VSTM4: variants seen among roughly 807,000 people sequenced by gnomAD.
VSTM4 encodes the protein V-set and transmembrane domain-containing protein 4.
A neutral mutation model predicts 36.4 loss-of-function variants in VSTM4; 20 were observed. The observed-to-expected ratio is 0.55, with a 90% CI of 0.39 to 0.80. The LOEUF (loss-of-function observed/expected upper bound fraction) is 0.80. Ranked by LOEUF, VSTM4 falls within the 30% of genes least tolerant of loss-of-function variation. VSTM4 has a pLI of 0.00. For synonymous variants in VSTM4, 182 were observed against 173.9 expected, an observed-to-expected ratio of 1.05 and a Z score of -0.37; for missense variants, 392 against 404.5, an observed-to-expected ratio of 0.97 and a Z score of 0.26.
rs574627827 is a variant in VSTM4 at position 49,068,967 on chromosome 10, T to G, written c.635-4231A>C. Among the ~76,000 whole-genome samples the G allele has an allele frequency of 2.0e-4, 30 of 152,244 alleles. No individual in the cohort carries two copies. In the South Asian group the frequency reaches 5.8e-3, roughly 29 times the overall value. On this transcript the variant is annotated intron_variant, in intron 4 of 7. Transcript: ENST00000332853. Reference sequence around the variant, plus strand: ...CTTTGAAGACTCTGAAAGGAAGGCTTATTTTTGCAACCTCTCCTGATAAGA... The same window carrying G: ...CTTTGAAGACTCTGAAAGGAAGGCTGATTTTTGCAACCTCTCCTGATAAGA...
At chr10:49,074,437 A>G (rs996228473) in intron 4 of VSTM4, among the ~76,000 whole-genome samples, 4 of 152,214 alleles carry the variant, frequency 2.6e-5, no homozygotes, top group African/African-American at 9.6e-5. Context: ...CTGGAAATGT[A>G]GGATTGCAGG....
intron 7 of VSTM4, among the ~76,000 whole-genome samples, chr10:49,024,884 A>G (rs995889335): frequency 5.9e-5 from 9 of 152,142 alleles, no homozygotes; most frequent in Non-Finnish European, 1.3e-4. Flanking sequence ...TGTTCCCCAA[A>G]TTTCCTGTGT....
chr10:49,075,272 C>G (rs552462631), intron 4 of VSTM4, among the ~76,000 whole-genome samples: 8 of 152,322 alleles, frequency 5.3e-5, no homozygotes, highest in South Asian at 4.1e-4. Context: ...GCAGGGCCTG[C>G]AGCCAGTGCA....
At chr10:49,089,845 G>T (rs896324666) in intron 2 of VSTM4, among the ~76,000 whole-genome samples, 2 of 152,246 alleles carry the variant, frequency 1.3e-5, no homozygotes, top group Non-Finnish European at 2.9e-5. Flanking sequence ...CAAGCCAGGG[G>T]TCTGAGTCCA....
At chr10:49,048,426 A>C (rs1843646894) in intron 6 of VSTM4, 52 bp downstream of exon 6, 1 of 1,491,930 alleles carries the variant, frequency 6.7e-7, no homozygotes, top group Admixed American at 2.3e-5. Flanking sequence ...CCAGACCCAC[A>C]GGGATCAATA....
At chr10:49,024,464 G>C (rs1241840992) in intron 7 of VSTM4, among the ~76,000 whole-genome samples, 1 of 152,204 alleles carries the variant, frequency 6.6e-6, no homozygotes, top group African/African-American at 2.4e-5. Flanking sequence ...TCATGGAGAA[G>C]AGGTGAGGAG....
Position 49,107,808 on chromosome 10 carries a change from G to T in VSTM4, c.243C>A (p.Leu81=). The T allele has an allele frequency of 6.2e-7, 1 of 1,614,280 alleles. No homozygotes were observed. The highest frequency in any genetic ancestry group is 8.5e-7 in the Non-Finnish European group (1 of 1,180,050). ...AATTCCCATAGTACTGCACCACCCGGAGCTTGGTCATCTTCACCATCAAGG... is the reference window on the plus strand; with the variant it reads ...AATTCCCATAGTACTGCACCACCCGTAGCTTGGTCATCTTCACCATCAAGG... ...QEALMVKMTK[L]RVVQYYGNFS... The change falls in exon 2 of 8, where the codon CTC becomes CTA. Residue 81 remains leucine, a synonymous_variant. Transcript: ENST00000332853.
intron 5 of VSTM4, among the ~76,000 whole-genome samples, chr10:49,060,407 T>C (rs1843856783): frequency 6.6e-6 from 1 of 152,204 alleles, no homozygotes; most frequent in African/African-American, 2.4e-5. Context: ...AATGGGGGTA[T>C]AGTGATATCA....
chr10:49,105,009 A>C (rs1267610054), intron 2 of VSTM4, among the ~76,000 whole-genome samples: 1 of 10,962 alleles, frequency 9.1e-5, no homozygotes, highest in Non-Finnish European at 1.6e-4. Flanking sequence ...AGAGAGAGAG[A>C]CAGAGAGATA....
intron 7 of VSTM4, among the ~76,000 whole-genome samples, chr10:49,035,001 G>A (rs939409387): frequency 5.3e-5 from 8 of 152,200 alleles, no homozygotes; most frequent in African/African-American, 1.7e-4. Flanking sequence ...AATCAGCCAC[G>A]CTGAGATGGA....
chr10:49,072,710 T>C (rs1722293270), intron 4 of VSTM4, among the ~76,000 whole-genome samples: 2 of 152,208 alleles, frequency 1.3e-5, no homozygotes, highest in Non-Finnish European at 2.9e-5. Flanking sequence ...GCTACCTTGC[T>C]GGTGACACCA....
rs1332072926 is a variant in VSTM4, at chr10:49,107,667, T to A, written c.384A>T (p.Arg128Ser). 3 of 1,614,066 alleles carry A rather than the reference T, an allele frequency of 1.9e-6. No homozygotes were observed. ...TCCTGTGCCTGCTGATTTCCTGGAC[T>A]CTGCAGACGTAATGCCCTTGATCGG... is the stretch of plus-strand genomic sequence containing the variant. ...QPSDQGHYVC[R>S]VQEISRHRNK... Residue 128 changes from arginine (R) to serine (S), a missense_variant, in exon 2 of 8, where the codon AGA (arginine) becomes AGT (serine). Physicochemically the swap from Arg to Ser is moderately radical, Grantham distance 110. Coordinates refer to ENST00000332853, the MANE Select transcript of VSTM4 (RefSeq NM_001031746.5).
intron 7 of VSTM4, among the ~76,000 whole-genome samples, chr10:49,028,120 C>G (rs920152302): frequency 6.6e-6 from 1 of 152,190 alleles, no homozygotes; most frequent in Non-Finnish European, 1.5e-5. Flanking sequence ...GTCAGTAGCA[C>G]AGTAATTACC....
chr10:49,107,684 C>G lies in VSTM4; in HGVS notation c.367G>C (p.Gly123Arg), dbSNP rs142283092. 6.3e-5 allele frequency: 102 copies of G among 1,614,234 alleles called. No homozygotes were observed. Among genetic ancestry groups the G allele is most frequent in the Non-Finnish European group, 7.6e-5 (90 of 1,180,038 alleles). ...TCCTGGACTCTGCAGACGTAATGCC[C>G]TTGATCGGAGGGCTGCAGTGTCAAG... ...SVLTLQPSDQ[G>R]HYVCRVQEIS... Residue 123 changes from glycine to arginine, a missense_variant, in exon 2 of 8, where the codon GGG becomes CGG. Physicochemically the swap from Gly to Arg is moderately radical, Grantham distance 125. Coordinates refer to ENST00000332853, the MANE Select transcript of VSTM4 (RefSeq NM_001031746.5).
intron 1 of VSTM4, among the ~76,000 whole-genome samples, chr10:49,109,397 T>C (rs1330732912): frequency 6.6e-6 from 1 of 152,220 alleles, no homozygotes; most frequent in Non-Finnish European, 1.5e-5. Flanking sequence ...CTATTCTTCA[T>C]TGTAAAAATC....
chr10:49,083,972 C>G (rs769362870), intron 3 of VSTM4, among the ~76,000 whole-genome samples: 2 of 152,168 alleles, frequency 1.3e-5, no homozygotes, highest in African/African-American at 4.8e-5. Context: ...TCTGATGATA[C>G]ATAAGGCTCC....
At chr10:49,057,000 G>A (rs3924984) in intron 5 of VSTM4, among the ~76,000 whole-genome samples, 29,901 of 151,650 alleles carry the variant, frequency 0.2, 4,616 homozygotes, top group African/African-American at 0.42. Flanking sequence ...ATCATCCGGC[G>A]AGAGGGGGGC....
chr10:49,078,914 C>A (rs532288388), intron 3 of VSTM4, among the ~76,000 whole-genome samples: 47 of 152,280 alleles, frequency 3.1e-4, no homozygotes, highest in African/African-American at 1.1e-3. Context: ...TCACTGCAAC[C>A]TTCTCCTCTC....
At chr10:49,024,381 C>T (rs572192870) in intron 7 of VSTM4, among the ~76,000 whole-genome samples, 78 of 152,208 alleles carry the variant, frequency 5.1e-4, no homozygotes, top group African/African-American at 1.8e-3. Context: ...GTCAGATACA[C>T]GCACGTATTG....
Sources: gnomAD v4.1 joint callset for allele counts (sites outside exome capture counted in the v4.1 genomes callset) on GRCh38, gnomAD v4.1.1 for gene constraint, MANE v1.5 for transcripts, NCBI Gene and HGNC (gene_info 2026-07-23, HGNC 2026-07-21) for gene names.